Variants in SLC24A2 observed in about 807,000 individuals in gnomAD.
SLC24A2 encodes the protein solute carrier family 24 member 2, also known as sodium/potassium/calcium exchanger 2.
A neutral mutation model predicts 62.0 loss-of-function variants in SLC24A2; 36 were observed. That is an observed-to-expected ratio of 0.58 (90% CI 0.44 to 0.77). SLC24A2 has a LOEUF of 0.77. Ranked by LOEUF, SLC24A2 falls within the 30% of genes least tolerant of loss-of-function variation. The pLI is 0.00. For missense variants in SLC24A2, 846 were observed against 817.9 expected (o/e 1.03, Z -0.42); for synonymous variants, 358 against 294.0 (o/e 1.22, Z -2.23).
intron 5 of SLC24A2, among the ~76,000 whole-genome samples, chr9:19,585,852 A>G (rs916253909): frequency 2.0e-5 from 3 of 152,194 alleles, no homozygotes; most frequent in East Asian, 3.8e-4. Flanking sequence ...GGCTTTCTTT[A>G]ATAATGTTCT....
At chr9:20,244,187 A>G in the SLC24A2 span, among the ~76,000 whole-genome samples, 757 of 152,352 alleles carry the variant, frequency 5.0e-3, 2 homozygotes, top group Non-Finnish European at 6.2e-3. Context: ...AAATAAACTC[A>G]GATAAAAAAG....
intron 1 of SLC24A2, chr9:19,788,599 G>T: frequency 1.0e-6 from 1 of 985,470 alleles, no homozygotes; most frequent in Non-Finnish European, 1.2e-6. Context: ...TCGTTTGTAG[G>T]TGGCTGGGGA....
the SLC24A2 span, among the ~76,000 whole-genome samples, chr9:20,176,003 CA>C: frequency 3.3e-5 from 5 of 151,890 alleles, no homozygotes; most frequent in African/African-American, 1.2e-4. Context: ...TTTGGAAGGG[CA>C]AAAAGATAAA....
chr9:19,615,266 T>G (rs1486024333), intron 4 of SLC24A2, among the ~76,000 whole-genome samples: 1 of 152,212 alleles, frequency 6.6e-6, no homozygotes, highest in Non-Finnish European at 1.5e-5. Flanking sequence ...ATGCCAGTAG[T>G]GCCAATGCAC....
At chr9:20,062,941 G>C in the SLC24A2 span, among the ~76,000 whole-genome samples, 2 of 117,484 alleles carry the variant, frequency 1.7e-5, no homozygotes, top group African/African-American at 7.3e-5. Context: ...ACCACAATGA[G>C]ATACCATCTC....
At chr9:19,538,773 G>T (rs1834099071) in intron 8 of SLC24A2, among the ~76,000 whole-genome samples, 1 of 130,250 alleles carries the variant, frequency 7.7e-6, no homozygotes, top group Non-Finnish European at 1.6e-5. Context: ...AGTTTCAGAA[G>T]GAATGGTACC....
At chr9:20,191,114 G>T in the SLC24A2 span, among the ~76,000 whole-genome samples, 3 of 151,158 alleles carry the variant, frequency 2.0e-5, no homozygotes, top group Non-Finnish European at 2.9e-5. Context: ...GTCACTTAGG[G>T]TCATAAAATT....
chr9:19,676,232 C>T (rs1339423582), intron 2 of SLC24A2, among the ~76,000 whole-genome samples: 1 of 152,194 alleles, frequency 6.6e-6, no homozygotes, highest in Admixed American at 6.5e-5. Context: ...TGGCTGTCTA[C>T]CGGGGCCTGC....
the SLC24A2 span, among the ~76,000 whole-genome samples, chr9:19,885,638 G>T: frequency 2.6e-5 from 4 of 152,016 alleles, no homozygotes; most frequent in South Asian, 2.1e-4. Flanking sequence ...ACATGTACAG[G>T]GTTGGTTATA....
chr9:19,620,233 T>C (rs2117897290), intron 3 of SLC24A2, among the ~76,000 whole-genome samples: 1 of 152,322 alleles, frequency 6.6e-6, no homozygotes, highest in East Asian at 1.9e-4. Context: ...TAGATACACA[T>C]ACTAAAATAT....
intron 9 of SLC24A2, among the ~76,000 whole-genome samples, chr9:19,521,436 G>A (rs1428804286): frequency 6.6e-6 from 1 of 152,210 alleles, no homozygotes; most frequent in Non-Finnish European, 1.5e-5. Context: ...AAGTCCTGTG[G>A]AAGATTTGCC....
chr9:19,962,683 T>A, the SLC24A2 span, among the ~76,000 whole-genome samples: 1 of 152,202 alleles, frequency 6.6e-6, no homozygotes, highest in Non-Finnish European at 1.5e-5. Context: ...TGTATAAGAA[T>A]GCTTGTGATT....
intron 2 of SLC24A2, among the ~76,000 whole-genome samples, chr9:19,761,631 C>T (rs545093534): frequency 6.6e-6 from 1 of 152,008 alleles, no homozygotes; most frequent in African/African-American, 2.4e-5. Context: ...GTCCCTCCCC[C>T]CTTTCCCCCA....
At chr9:19,777,863 T>C (rs1480138717) in intron 2 of SLC24A2, among the ~76,000 whole-genome samples, 1 of 152,190 alleles carries the variant, frequency 6.6e-6, no homozygotes, top group Non-Finnish European at 1.5e-5. Flanking sequence ...GTGTTTTTAA[T>C]ACTCTTGTAC....
intron 3 of SLC24A2, 83 bp from the exon 4 acceptor site, chr9:19,619,775 G>T: frequency 9.8e-7 from 1 of 1,020,770 alleles, no homozygotes; most frequent in Non-Finnish European, 1.6e-6. Context: ...CTAGTCTGGT[G>T]GCCACTCATT....
At chr9:19,548,859 T>A (rs1187315807) in intron 8 of SLC24A2, among the ~76,000 whole-genome samples, 2 of 152,184 alleles carry the variant, frequency 1.3e-5, no homozygotes, top group Non-Finnish European at 2.9e-5. Flanking sequence ...TGTGTGCTGT[T>A]CCAAACAGAA....
chr9:20,239,224 C>T, the SLC24A2 span, among the ~76,000 whole-genome samples: 3 of 152,048 alleles, frequency 2.0e-5, no homozygotes, highest in South Asian at 2.1e-4. Context: ...TAGAGGATTC[C>T]CAGTTACATT....
At chr9:19,858,840 A>C in the SLC24A2 span, among the ~76,000 whole-genome samples, 2 of 152,206 alleles carry the variant, frequency 1.3e-5, no homozygotes, top group African/African-American at 4.8e-5. Flanking sequence ...TTAAAAAGTC[A>C]AAAAATAGCA....
chr9:19,905,225 A>G, the SLC24A2 span, among the ~76,000 whole-genome samples: 1 of 152,104 alleles, frequency 6.6e-6, no homozygotes, highest in Non-Finnish European at 1.5e-5. Context: ...TCTCACTCAG[A>G]CTGTCTCTTA....
Sources: allele counts gnomAD v4.1 joint callset (sites outside exome capture counted in the v4.1 genomes callset), GRCh38; gene constraint gnomAD v4.1.1; transcripts MANE v1.5; gene names NCBI Gene and HGNC (gene_info 2026-07-23, HGNC 2026-07-21).